INVS: variants seen among roughly 807,000 people sequenced by gnomAD.
INVS encodes inversion of embryo turning homolog.
In INVS, 86 loss-of-function variants were observed where a neutral mutation model predicts 108.8. The observed-to-expected ratio is 0.79, with a 90% CI of 0.66 to 0.95. The LOEUF (loss-of-function observed/expected upper bound fraction) is 0.95, where lower values mean the gene tolerates loss of function less well. Among genes scored for constraint, INVS ranks in the 40% least tolerant of loss-of-function variants. INVS has a pLI of 0.00. For missense variants in INVS, 1,169 were observed against 1,297.4 expected (o/e 0.90, Z 1.52); for synonymous variants, 455 against 473.5 (o/e 0.96, Z 0.51).
intron 3 of INVS, among the ~76,000 whole-genome samples, chr9:100,203,288 T>A (rs577477309): frequency 6.6e-6 from 1 of 152,180 alleles, no homozygotes; most frequent in Non-Finnish European, 1.5e-5. Context: ...CTCAATCTTT[T>A]ATATTGCCTA....
intron 3 of INVS, among the ~76,000 whole-genome samples, chr9:100,138,456 G>A (rs1052735852): frequency 2.6e-5 from 4 of 151,866 alleles, no homozygotes; most frequent in Non-Finnish European, 4.4e-5. Context: ...AACCCTCAGA[G>A]CAACATCTTT....
At chr9:100,144,117 G>A (rs2118957902) in intron 3 of INVS, among the ~76,000 whole-genome samples, 1 of 152,166 alleles carries the variant, frequency 6.6e-6, no homozygotes, top group East Asian at 1.9e-4. Flanking sequence ...CTGGGCTGCG[G>A]GCATTCCTTG....
At chr9:100,248,627 T>A (rs970829581) in intron 8 of INVS, among the ~76,000 whole-genome samples, 3 of 152,170 alleles carry the variant, frequency 2.0e-5, no homozygotes, top group African/African-American at 7.2e-5. Context: ...CTATTAGTAT[T>A]TTTTAGGCGT....
intron 3 of INVS, among the ~76,000 whole-genome samples, chr9:100,188,956 C>T (rs1223563568): frequency 1.3e-5 from 2 of 151,978 alleles, no homozygotes; most frequent in African/African-American, 4.8e-5. Flanking sequence ...TTATCCATTT[C>T]CTCTAGATTT....
chr9:100,177,020 A>G (rs917821027), intron 3 of INVS, among the ~76,000 whole-genome samples: 2 of 151,810 alleles, frequency 1.3e-5, no homozygotes, highest in Non-Finnish European at 2.9e-5. Context: ...GCAGCCAAAG[A>G]AAAAGACATG....
chr9:100,219,322 G>C (rs986517045), intron 3 of INVS, among the ~76,000 whole-genome samples: 1 of 152,152 alleles, frequency 6.6e-6, no homozygotes, highest in African/African-American at 2.4e-5. Context: ...AAACACAGCT[G>C]TAGGCCAGGC....
At chr9:100,299,813 G>A (rs1381435913) in intron 16 of INVS, among the ~76,000 whole-genome samples, 2 of 152,060 alleles carry the variant, frequency 1.3e-5, no homozygotes, top group Non-Finnish European at 2.9e-5. Flanking sequence ...ACCTGCAGAG[G>A]GGTACACAGA....
rs977781520 is a variant in INVS at position 100,235,504 on chromosome 9, A to G, written c.616-4556A>G. On this transcript the variant is annotated intron_variant, in intron 5 of 16. Transcript: ENST00000262457. The stretch of plus-strand genomic sequence containing the variant: ...GTATCTCTTTGCAGTGGCTGGTACC[A>G]GTTTTTCCTTCCCATATTTAGTGGT... Among the ~76,000 whole-genome samples, 5 of 152,220 alleles carry G rather than the reference A, an allele frequency of 3.3e-5. No individual in the cohort carries two copies. In the South Asian group the frequency reaches 1.0e-3, roughly 32 times the overall value.
At chr9:100,188,084 C>A (rs760407588) in intron 3 of INVS, among the ~76,000 whole-genome samples, 26 of 152,092 alleles carry the variant, frequency 1.7e-4, no homozygotes, top group Admixed American at 1.3e-4. Context: ...TTGGAGGAGT[C>A]TTTAGGGTTT....
chr9:100,206,193 A>G (rs796960877), intron 3 of INVS, among the ~76,000 whole-genome samples: 71 of 152,224 alleles, frequency 4.7e-4, no homozygotes, highest in African/African-American at 1.6e-3. Context: ...TAATCTGAGG[A>G]TAAGAAACAA....
At chr9:100,212,445 A>G (rs891594619) in intron 3 of INVS, among the ~76,000 whole-genome samples, 2 of 152,024 alleles carry the variant, frequency 1.3e-5, no homozygotes, top group African/African-American at 4.8e-5. Flanking sequence ...TATATCTTGA[A>G]TCTAGCCATC....
At chr9:100,125,961 C>T (rs992900572) in intron 2 of INVS, among the ~76,000 whole-genome samples, 1 of 152,192 alleles carries the variant, frequency 6.6e-6, no homozygotes, top group Non-Finnish European at 1.5e-5. Context: ...GCTGGGATTA[C>T]AGGCGTGAGC....
chr9:100,137,481 A>T (rs1161378851), intron 3 of INVS, among the ~76,000 whole-genome samples: 1 of 152,210 alleles, frequency 6.6e-6, no homozygotes, highest in African/African-American at 2.4e-5. Context: ...TAAATATAGC[A>T]TAATGAAAAA....
At chr9:100,298,891 AAAC>A (rs1833868714) in intron 16 of INVS, among the ~76,000 whole-genome samples, 3 of 151,762 alleles carry the variant, frequency 2.0e-5, no homozygotes, top group Non-Finnish European at 2.9e-5. Context: ...ACAAACAAAA[AAAC>A]CCCTTTCATT....
intron 3 of INVS, among the ~76,000 whole-genome samples, chr9:100,142,080 G>C (rs1828451251): frequency 6.6e-6 from 1 of 152,180 alleles, no homozygotes; most frequent in Non-Finnish European, 1.5e-5. Flanking sequence ...GCGTCGCCTA[G>C]AGCAATGGGA....
At position 100,292,761 on chromosome 9, in the gene INVS, T is replaced by G. The variant is rs1454523438; in HGVS notation, c.2504T>G (p.Val835Gly). Reference protein sequence around the residue: ...PPHHRTPRNKVTQAKLTGGLY... With the variant: ...PPHHRTPRNKGTQAKLTGGLY... ...CACCATCGTACACCAAGAAACAAAG[T>G]GACACAAGCCAAGCTCACAGGAGGG... is the stretch of plus-strand genomic sequence containing the variant. Residue 835 changes from valine to glycine, a missense_variant, in exon 14 of 17, where the codon GTG (valine) becomes GGG (glycine). Val to Gly is a moderately radical substitution (Grantham distance 109). Around this residue, in one of 3 missense-constraint regions of INVS, gnomAD observed 533 missense variants for 536.0 expected, o/e 0.99. Coordinates refer to ENST00000262457, the MANE Select transcript of INVS (RefSeq NM_014425.5). 6.2e-7 allele frequency: 1 copy of G among 1,613,508 alleles called. No homozygotes were observed. Among genetic ancestry groups the G allele is most frequent in the South Asian group, 1.1e-5 (1 of 90,980 alleles).
At chr9:100,208,502 G>T (rs1830740017) in intron 3 of INVS, among the ~76,000 whole-genome samples, 1 of 152,162 alleles carries the variant, frequency 6.6e-6, no homozygotes, top group African/African-American at 2.4e-5. Context: ...AGTAGAGAAG[G>T]CAAAAGATGG....
intron 9 of INVS, 129 bp downstream of exon 9, chr9:100,252,567 C>G (rs895412317): frequency 5.5e-6 from 5 of 910,996 alleles, no homozygotes; most frequent in Admixed American, 4.0e-5. Flanking sequence ...GATCACACAA[C>G]ATGGCATGAG....
chr9:100,252,198 A>C, intron 8 of INVS, 85 bp from the exon 9 acceptor site: 7 of 1,382,590 alleles, frequency 5.1e-6, no homozygotes, highest in Non-Finnish European at 6.2e-6. Flanking sequence ...ATGATGGGGA[A>C]ATCAAGAGAG....
Sources: gnomAD v4.1 joint callset for allele counts (sites outside exome capture counted in the v4.1 genomes callset) on GRCh38, gnomAD v4.1.1 for gene constraint, gnomAD v4.1.1 regional missense constraint, MANE v1.5 for transcripts, NCBI Gene and HGNC (gene_info 2026-07-23, HGNC 2026-07-21) for gene names.